The following MCTP2 variants were observed in gnomAD, a reference collection of about 807,000 sequenced individuals.
MCTP2 encodes the protein multiple C2 and transmembrane domain containing 2.
Under a neutral mutation model 111.6 loss-of-function variants are expected in MCTP2, and 132 were observed. The ratio of observed to expected loss-of-function variants is 1.18; its 90% CI spans 1.03 to 1.37. The LOEUF is 1.37. Ranked by LOEUF, MCTP2 falls within the 40% of genes most tolerant of loss-of-function variation. The pLI, the probability that MCTP2 is intolerant of heterozygous loss-of-function variation, is 0.00. For synonymous variants in MCTP2, 395 were observed against 387.7 expected, an observed-to-expected ratio of 1.02 and a Z score of -0.22; for missense variants, 1,183 against 1,067.9, an observed-to-expected ratio of 1.11 and a Z score of -1.50.
At chr15:94,438,809 G>A (rs1318280299) in intron 17 of MCTP2, among the ~76,000 whole-genome samples, 1 of 152,064 alleles carries the variant, frequency 6.6e-6, no homozygotes, top group African/African-American at 2.4e-5. Context: ...TATTAAAAAT[G>A]GTTTGTGTGT....
chr15:94,272,212 T>G (rs2073942693), intron 1 of MCTP2, among the ~76,000 whole-genome samples: 1 of 152,170 alleles, frequency 6.6e-6, no homozygotes. Flanking sequence ...CTAAGACAAT[T>G]TTTTTTATTG....
intron 1 of MCTP2, among the ~76,000 whole-genome samples, chr15:94,245,226 A>G (rs1013713955): frequency 1.3e-4 from 18 of 143,392 alleles, no homozygotes; most frequent in Non-Finnish European, 2.4e-4. Flanking sequence ...GTGTATATAT[A>G]CATATGTATG....
chr15:94,243,980 CAT>C (rs2071424654), intron 1 of MCTP2, among the ~76,000 whole-genome samples: 1 of 145,904 alleles, frequency 6.9e-6, no homozygotes, highest in Non-Finnish European at 1.5e-5. Flanking sequence ...TATGTATACA[CAT>C]ACATATGTGT....
chr15:94,353,285 T>C (rs1182547419), intron 8 of MCTP2, among the ~76,000 whole-genome samples: 1 of 152,162 alleles, frequency 6.6e-6, no homozygotes, highest in Non-Finnish European at 1.5e-5. Context: ...CGAGTGTCCA[T>C]GGATAGATCA....
At chr15:94,431,684 A>C (rs2083192175) in intron 17 of MCTP2, among the ~76,000 whole-genome samples, 1 of 152,142 alleles carries the variant, frequency 6.6e-6, no homozygotes, top group South Asian at 2.1e-4. Context: ...TTTTTTTTAA[A>C]AATTTAACCC....
At chr15:94,244,336 ACACG>A (rs1317043767) in intron 1 of MCTP2, among the ~76,000 whole-genome samples, 1 of 148,978 alleles carries the variant, frequency 6.7e-6, no homozygotes, top group African/African-American at 2.5e-5. Flanking sequence ...ATGTATATAT[ACACG>A]TATACGTATA....
At chr15:94,463,038 A>G (rs529283147) in intron 20 of MCTP2, among the ~76,000 whole-genome samples, 5 of 152,338 alleles carry the variant, frequency 3.3e-5, no homozygotes, top group South Asian at 4.1e-4. Context: ...GCATTAGTCA[A>G]CTGACCTGGC....
At chr15:94,250,900 C>G (rs954769847) in intron 1 of MCTP2, among the ~76,000 whole-genome samples, 3 of 152,122 alleles carry the variant, frequency 2.0e-5, no homozygotes, top group African/African-American at 7.2e-5. Context: ...TGAGAGGCAG[C>G]AGAAAATGTC....
At chr15:94,356,416 A>G in intron 9 of MCTP2, 115 bp downstream of exon 9, 1 of 961,044 alleles carries the variant, frequency 1.0e-6, no homozygotes, top group Non-Finnish European at 1.4e-6. Flanking sequence ...CAGCCCGCCT[A>G]ACTATATTAA....
intron 19 of MCTP2, 84 bp downstream of exon 19, chr15:94,443,044 TC>T: frequency 1.2e-6 from 1 of 835,296 alleles, no homozygotes; most frequent in East Asian, 3.0e-5. Flanking sequence ...GTCTCTCTCC[TC>T]TCTTTTTTTT....
At position 94,384,137 on chromosome 15, in the gene MCTP2, G is replaced by C. The variant is rs768809421; in HGVS notation, c.1685+13G>C. On this transcript the variant is annotated intron_variant, in intron 13 of 22. Coordinates refer to ENST00000357742, the MANE Select transcript of MCTP2 (RefSeq NM_001385001.1). ...AAGTTTTTACATTGTAAGTGCTTTA[G>C]CCTCTGGAATTATTTCTGCTGTGCT... 6.3e-7 allele frequency: 1 copy of C among 1,582,778 alleles called. No individual in the cohort carries two copies.
chr15:94,265,910 A>G (rs1457524341), intron 1 of MCTP2, among the ~76,000 whole-genome samples: 1 of 152,246 alleles, frequency 6.6e-6, no homozygotes, highest in Non-Finnish European at 1.5e-5. Flanking sequence ...CATTTCAGAA[A>G]GCTCACGCTG....
At chr15:94,409,710 T>TCCTCCTCTCTCTTC (rs1483233458) in intron 17 of MCTP2, among the ~76,000 whole-genome samples, 11 of 151,854 alleles carry the variant, frequency 7.2e-5, no homozygotes, top group Non-Finnish European at 1.5e-4. Flanking sequence ...CCTCCCTCTT[T>TCCTCCTCTCTCTTC]CCTCCTCTCT....
In MCTP2 at chr15:94,390,100, A is replaced by ATGCATATG. The variant is rs1410264046; in HGVS notation, c.1788+4576_1788+4577insGCATATGT. Among the ~76,000 whole-genome samples the ATGCATATG allele has an allele frequency of 5.8e-4, 48 of 82,534 alleles. 1 individual carries two copies. Among genetic ancestry groups the ATGCATATG allele is most frequent in the African/African-American group, 1.8e-3 (45 of 24,392 alleles). 54.1% of individuals were successfully genotyped at this position (82,534 alleles called of 152,430 possible). A position where few individuals can be genotyped will look rare whatever the true frequency, so the allele number is the denominator to read the frequency against. ...TATATATATATATATGTATATATAT[A>ATGCATATG]TATATATATATATGTATATATATAT... On this transcript the variant is annotated intron_variant, in intron 14 of 22. Transcript: ENST00000357742.
intron 2 of MCTP2, among the ~76,000 whole-genome samples, chr15:94,301,796 T>A (rs1474190134): frequency 1.3e-5 from 2 of 152,122 alleles, no homozygotes; most frequent in Non-Finnish European, 2.9e-5. Context: ...TTGGCTGAAA[T>A]TTGATATTGA....
chr15:94,267,701 A>G (rs2073622427), intron 1 of MCTP2, among the ~76,000 whole-genome samples: 1 of 152,000 alleles, frequency 6.6e-6, no homozygotes, highest in African/African-American at 2.4e-5. Context: ...CTTATAATCA[A>G]TGTATGAGAA....
chr15:94,392,853 A>C (rs1355401863), intron 14 of MCTP2, among the ~76,000 whole-genome samples: 1 of 151,916 alleles, frequency 6.6e-6, no homozygotes, highest in Non-Finnish European at 1.5e-5. Flanking sequence ...AAAAACAAAA[A>C]ACTTGGAGAA....
chr15:94,405,469 C>A (rs2081854163), intron 17 of MCTP2, among the ~76,000 whole-genome samples: 1 of 152,148 alleles, frequency 6.6e-6, no homozygotes, highest in African/African-American at 2.4e-5. Flanking sequence ...CTCTTAAGAT[C>A]TAGGTCCGCA....
At chr15:94,427,427 T>G (rs1403715317) in intron 17 of MCTP2, among the ~76,000 whole-genome samples, 1 of 152,072 alleles carries the variant, frequency 6.6e-6, no homozygotes, top group Non-Finnish European at 1.5e-5. Context: ...CTCAGGAAAC[T>G]TACAATCATG....
Sources: allele counts gnomAD v4.1 joint callset (sites outside exome capture counted in the v4.1 genomes callset), GRCh38; gene constraint gnomAD v4.1.1; transcripts MANE v1.5; gene names NCBI Gene and HGNC (gene_info 2026-07-23, HGNC 2026-07-21).